The following BIN1 variants were observed in gnomAD, a reference collection of about 807,000 sequenced individuals.
BIN1 encodes the protein bridging integrator 1.
Under a neutral mutation model 82.0 loss-of-function variants are expected in BIN1, and 53 were observed. That is an observed-to-expected ratio of 0.65 (90% CI 0.52 to 0.81). The LOEUF (loss-of-function observed/expected upper bound fraction) is 0.81. Ranked by LOEUF, BIN1 falls within the 40% of genes least tolerant of loss-of-function variation. The probability of loss-of-function intolerance (pLI) is 0.00; values close to 1 mark genes in which losing one functional copy is unlikely to be tolerated. For synonymous variants in BIN1, 302 were observed against 328.0 expected, an observed-to-expected ratio of 0.92 and a Z score of 0.86; for missense variants, 642 against 784.4, an observed-to-expected ratio of 0.82 and a Z score of 2.17.
In BIN1 at chr2:127,068,307, G is replaced by C; in HGVS notation, c.520-52C>G. 1 of 1,471,358 alleles carries C rather than the reference G, an allele frequency of 6.8e-7. No individual in the cohort carries two copies. The highest frequency in any genetic ancestry group is 2.3e-5 in the East Asian group (1 of 43,422). 91.1% of individuals were successfully genotyped at this position (1,471,358 alleles called of 1,614,324 possible). ...AAGGTGGAGAGACCAGGGAGGTGGG[G>C]AGAGAGAAACAGAGACACACAGATT... On this transcript the variant is annotated intron_variant, in intron 6 of 18. Coordinates refer to ENST00000316724, the MANE Select transcript of BIN1 (RefSeq NM_139343.3). This position sits in a 1 kb window ranked among gnomAD's most constrained non-coding sequence, Gnocchi z 4.9.
chr2:127,102,578 G>A (rs1680490802), intron 1 of BIN1, among the ~76,000 whole-genome samples: 2 of 152,322 alleles, frequency 1.3e-5, no homozygotes, highest in South Asian at 4.1e-4. Context: ...AGCCTCCCAA[G>A]TAGGCTGTGC....
intron 1 of BIN1, among the ~76,000 whole-genome samples, chr2:127,098,830 G>A (rs150023239): frequency 1.5e-3 from 221 of 152,356 alleles, no homozygotes; most frequent in Non-Finnish European, 2.4e-3. Flanking sequence ...CCGAGGCCAA[G>A]CCCTATTTGG....
At chr2:127,060,333 T>C (rs1310835105) in intron 10 of BIN1, among the ~76,000 whole-genome samples, 1 of 152,236 alleles carries the variant, frequency 6.6e-6, no homozygotes, top group East Asian at 1.9e-4. Context: ...CTAAGTGCGC[T>C]GGTGGCCCGG....
chr2:127,069,824 G>A (rs1243019094), intron 5 of BIN1, among the ~76,000 whole-genome samples, 171 bp downstream of exon 5: 2 of 152,232 alleles, frequency 1.3e-5, no homozygotes, highest in Non-Finnish European at 2.9e-5. Context: ...AGGAATGGGG[G>A]GCCGTGGGCT....
chr2:127,097,056 C>A (rs1030450075), intron 1 of BIN1, among the ~76,000 whole-genome samples: 1 of 152,190 alleles, frequency 6.6e-6, no homozygotes, highest in Non-Finnish European at 1.5e-5. Context: ...TTCACGTTAC[C>A]GTGCCCACTC....
intron 2 of BIN1, among the ~76,000 whole-genome samples, chr2:127,073,236 C>A (rs968619876): frequency 6.6e-6 from 1 of 152,230 alleles, no homozygotes; most frequent in African/African-American, 2.4e-5. Flanking sequence ...GTAGACACAG[C>A]CCTCCCCCGA....
At chr2:127,077,065 T>C (rs1255682196) in intron 1 of BIN1, among the ~76,000 whole-genome samples, 1 of 152,144 alleles carries the variant, frequency 6.6e-6, no homozygotes, top group African/African-American at 2.4e-5. Flanking sequence ...CCCTGGAAGC[T>C]GAAAAGTGAG....
intron 7 of BIN1, among the ~76,000 whole-genome samples, chr2:127,066,937 A>G (rs744887): frequency 0.59 from 90,261 of 151,874 alleles, 27,133 homozygotes; most frequent in South Asian, 0.71. Flanking sequence ...CAGGCACGGC[A>G]ATGCGTGCCT....
At chr2:127,095,242 C>T (rs1315535683) in intron 1 of BIN1, among the ~76,000 whole-genome samples, 2 of 152,234 alleles carry the variant, frequency 1.3e-5, no homozygotes, top group Non-Finnish European at 2.9e-5. Flanking sequence ...CTAACATCCC[C>T]CAGGATCCCT....
intron 11 of BIN1, among the ~76,000 whole-genome samples, chr2:127,058,554 CCT>C (rs57767472): frequency 0.32 from 48,855 of 151,702 alleles, 11,342 homozygotes; most frequent in African/African-American, 0.67. Flanking sequence ...CTGAGCCCTT[CCT>C]CTCTCTGTCC....
At chr2:127,075,306 G>C (rs1033353297) in intron 2 of BIN1, among the ~76,000 whole-genome samples, 7 of 152,212 alleles carry the variant, frequency 4.6e-5, no homozygotes, top group Non-Finnish European at 1.5e-5. Context: ...ACTCCCTAAA[G>C]GTCCTTCAGA....
In BIN1 at chr2:127,048,181, T is replaced by G. The variant is rs1211851141; in HGVS notation, c.*345A>C. On this transcript the variant is annotated 3_prime_UTR_variant, in exon 19 of 19. Transcript: ENST00000316724. ...GCAGCTGCCAGGAAAAGAGGACCCTTGCCCGGGTGGCGCGGCCGAAGCTTC... is the reference window on the plus strand; with the variant it reads ...GCAGCTGCCAGGAAAAGAGGACCCTGGCCCGGGTGGCGCGGCCGAAGCTTC... 2 of 366,680 alleles carry G rather than the reference T, an allele frequency of 5.5e-6. No homozygotes were observed. The highest frequency in any genetic ancestry group is 4.1e-5 in the Admixed American group (1 of 24,452). The allele number at this position is 366,680 out of a possible 1,614,324, so 22.7% of individuals were successfully genotyped here.
chr2:127,067,382 C>A lies in BIN1; in HGVS notation c.612+781G>T, dbSNP rs1685280761. Among the ~76,000 whole-genome samples the A allele has an allele frequency of 6.6e-6, 1 of 152,236 alleles. No individual in the cohort carries two copies. Among genetic ancestry groups the A allele is most frequent in the Non-Finnish European group, 1.5e-5 (1 of 68,042 alleles). Reference sequence around the variant, plus strand: ...CACTGCATCCAGTGGTCCCTGGCCACACTGTAACCCATTTGGAGGGCAGGG... The same window carrying A: ...CACTGCATCCAGTGGTCCCTGGCCAAACTGTAACCCATTTGGAGGGCAGGG... On this transcript the variant is annotated intron_variant, in intron 7 of 18. Coordinates refer to ENST00000316724, the MANE Select transcript of BIN1 (RefSeq NM_139343.3). The surrounding 1 kb of genome is among the most constrained non-coding windows in gnomAD (Gnocchi z 4.7).
intron 1 of BIN1, among the ~76,000 whole-genome samples, chr2:127,077,529 AGAACATATGCT>A (rs200591924): frequency 0.022 from 3,276 of 152,264 alleles, 142 homozygotes; most frequent in African/African-American, 0.075. Context: ...CAGGACCCTG[AGAACATATGCT>A]GACCATCACG....
rs922748427 is a variant in BIN1 at position 127,048,241 on chromosome 2, G to A, written c.*285C>T. On this transcript the variant is annotated 3_prime_UTR_variant, in exon 19 of 19. Coordinates refer to ENST00000316724, the MANE Select transcript of BIN1 (RefSeq NM_139343.3). Reference sequence around the variant, plus strand: ...TGGTGGCTCGGCAGCCCCCAGCCCCGCCCTGCGGCCAGGCACACATGCGGG... The same window carrying A: ...TGGTGGCTCGGCAGCCCCCAGCCCCACCCTGCGGCCAGGCACACATGCGGG... 8.6e-5 allele frequency: 38 copies of A among 443,194 alleles called. No homozygotes were observed. Among genetic ancestry groups the A allele is most frequent in the African/African-American group, 5.6e-4 (28 of 50,082 alleles). The allele number at this position is 443,194 out of a possible 1,614,324, so 27.5% of individuals were successfully genotyped here. A position where few individuals can be genotyped will look rare whatever the true frequency, so the allele number is the denominator to read the frequency against.
At chr2:127,049,369 GCT>G (rs1682586080) in intron 18 of BIN1, among the ~76,000 whole-genome samples, 1 of 152,224 alleles carries the variant, frequency 6.6e-6, no homozygotes, top group Non-Finnish European at 1.5e-5. Context: ...AGACCTGGGG[GCT>G]TAGGAGAAAG....
intron 1 of BIN1, among the ~76,000 whole-genome samples, chr2:127,097,056 C>T (rs1030450075): frequency 5.3e-5 from 8 of 152,190 alleles, no homozygotes; most frequent in African/African-American, 1.4e-4. Context: ...TTCACGTTAC[C>T]GTGCCCACTC....
At position 127,052,266 on chromosome 2, in the gene BIN1, C is replaced by T. The variant is rs1023231347; in HGVS notation, c.1360G>A (p.Gly454Arg). 6.4e-7 allele frequency: 1 copy of T among 1,573,664 alleles called. No homozygotes were observed. Among genetic ancestry groups the T allele is most frequent in the African/African-American group, 1.3e-5 (1 of 74,306 alleles). ...AGGTGGGCACTTACTTGGGCAGGCC[C>T]CGGCTCGGCCGTCTGGCTGGGCCAG... is the stretch of plus-strand genomic sequence containing the variant. ...VSWPSQTAEPGPAQPAEASEV... is the reference protein window; with the variant it reads ...VSWPSQTAEPRPAQPAEASEV... Residue 454 changes from glycine to arginine, a missense_variant, in exon 15 of 19, where the codon GGG becomes AGG. Coordinates refer to ENST00000316724, the MANE Select transcript of BIN1 (RefSeq NM_139343.3).
intron 7 of BIN1, among the ~76,000 whole-genome samples, chr2:127,066,886 C>T (rs1015057765): frequency 1.7e-4 from 26 of 152,094 alleles, no homozygotes; most frequent in African/African-American, 6.3e-4. Context: ...GCCTGGGCAA[C>T]ATAATGAGGC....
Sources: gnomAD v4.1 joint callset for allele counts (sites outside exome capture counted in the v4.1 genomes callset) on GRCh38, gnomAD v4.1.1 for gene constraint, Gnocchi (gnomAD v3.1) non-coding constraint, MANE v1.5 for transcripts, NCBI Gene and HGNC (gene_info 2026-07-23, HGNC 2026-07-21) for gene names.